The following TRIP4 variants were observed in gnomAD, a reference collection of about 807,000 sequenced individuals.
The protein encoded by TRIP4 is activating signal cointegrator 1.
Under a neutral mutation model 81.8 loss-of-function variants are expected in TRIP4, and 54 were observed. The observed-to-expected ratio is 0.66, with a 90% CI of 0.53 to 0.83. The LOEUF (loss-of-function observed/expected upper bound fraction) is 0.83, where lower values mean the gene tolerates loss of function less well. TRIP4 is among the 40% of genes least tolerant of loss of function. TRIP4 has a pLI of 0.00. For missense variants in TRIP4, 662 were observed against 683.6 expected, an observed-to-expected ratio of 0.97 and a Z score of 0.35; for synonymous variants, 270 against 242.8, an observed-to-expected ratio of 1.11 and a Z score of -1.04.
At chr15:64,417,028 G>A (rs920332001) in intron 8 of TRIP4, among the ~76,000 whole-genome samples, 1 of 151,964 alleles carries the variant, frequency 6.6e-6, no homozygotes, top group African/African-American at 2.4e-5. Flanking sequence ...TTATTTTTGA[G>A]ACAGGATATT....
chr15:64,388,104 T>G, intron 1 of TRIP4, 140 bp downstream of exon 1: 1 of 1,317,900 alleles, frequency 7.6e-7, no homozygotes, highest in Non-Finnish European at 9.7e-7. Context: ...GGCGTCGAAT[T>G]TTGGCCTCCA....
At chr15:64,393,397 TC>T (rs1454502437) in intron 1 of TRIP4, 1 of 151,698 alleles carries the variant, frequency 6.6e-6, no homozygotes, top group Non-Finnish European at 1.5e-5. Context: ...GACCTGGTGA[TC>T]CGCCCGCCTC....
At chr15:64,405,232 G>A (rs1891598365) in intron 5 of TRIP4, among the ~76,000 whole-genome samples, 2 of 149,884 alleles carry the variant, frequency 1.3e-5, no homozygotes, top group African/African-American at 4.9e-5. Context: ...TCGGCTCACT[G>A]TAAGCTCAGC....
At chr15:64,411,087 G>T (rs1566976372) in intron 7 of TRIP4, among the ~76,000 whole-genome samples, 1 of 152,220 alleles carries the variant, frequency 6.6e-6, no homozygotes, top group East Asian at 1.9e-4. Flanking sequence ...GTGAATGGGA[G>T]TATTAAAATG....
intron 11 of TRIP4, among the ~76,000 whole-genome samples, chr15:64,426,897 G>A (rs1217509570): frequency 6.6e-6 from 1 of 151,490 alleles, no homozygotes; most frequent in African/African-American, 2.4e-5. Flanking sequence ...CTATTCGGGA[G>A]GCTGAGGCAG....
In TRIP4 at chr15:64,453,027, A is replaced by C. The variant is rs534633718; in HGVS notation, c.1679-1970A>C. Among the ~76,000 whole-genome samples the C allele has an allele frequency of 9.9e-5, 15 of 152,232 alleles. No individual in the cohort carries two copies. The South Asian group carries it at 2.9e-3, about 29-fold the overall frequency. ...TGGTGAAACCCTATCTCTACCAAAA[A>C]ATAAAAAAATTAGCTGGGCGTGATG... On this transcript the variant is annotated intron_variant, in intron 12 of 12. Transcript: ENST00000261884.
chr15:64,396,137 G>A (rs1900286362), intron 3 of TRIP4, among the ~76,000 whole-genome samples: 1 of 151,988 alleles, frequency 6.6e-6, no homozygotes, highest in African/African-American at 2.4e-5. Context: ...TTGAGCTGCT[G>A]AGCTCAGGCA....
chr15:64,410,025 T>G (rs796517290), intron 7 of TRIP4, among the ~76,000 whole-genome samples, 197 bp downstream of exon 7: 1 of 130,492 alleles, frequency 7.7e-6, no homozygotes, highest in East Asian at 2.1e-4. Flanking sequence ...TGTGGTTTGG[T>G]TTTTTTTTTT....
At chr15:64,439,512 C>CTTTTTTT (rs71895300) in intron 11 of TRIP4, among the ~76,000 whole-genome samples, 5 of 47,928 alleles carry the variant, frequency 1.0e-4, no homozygotes, top group African/African-American at 5.0e-4. Flanking sequence ...ACTTATAAAT[C>CTTTTTTT]TTTTTTTTTT....
At chr15:64,398,879 G>A (rs1191335512) in intron 4 of TRIP4, among the ~76,000 whole-genome samples, 1 of 147,296 alleles carries the variant, frequency 6.8e-6, no homozygotes, top group African/African-American at 2.6e-5. Flanking sequence ...AAAGGCATCC[G>A]TTTTATATTA....
rs1328402314 is a variant in TRIP4, at chr15:64,388,160, T to C, written c.101+196T>C. 9 of 1,015,362 alleles carry C rather than the reference T, an allele frequency of 8.9e-6. No individual in the cohort carries two copies. The African/African-American group carries it at 1.3e-4, about 15-fold the overall frequency. The allele number at this position is 1,015,362 out of a possible 1,614,324, so 62.9% of individuals were successfully genotyped here. On this transcript the variant is annotated intron_variant, in intron 1 of 12. Coordinates refer to ENST00000261884, the MANE Select transcript of TRIP4 (RefSeq NM_016213.5). ...GAATAGGGTGTCCGGCTCCACAGTCTGCCGGTCGGGCTTTTTTCCTGGGAA... is the reference window on the plus strand; with the variant it reads ...GAATAGGGTGTCCGGCTCCACAGTCCGCCGGTCGGGCTTTTTTCCTGGGAA...
chr15:64,449,288 TTG>T (rs1000621528), intron 12 of TRIP4, among the ~76,000 whole-genome samples: 6 of 151,210 alleles, frequency 4.0e-5, no homozygotes, highest in African/African-American at 1.5e-4. Flanking sequence ...TTGTTTGTTT[TTG>T]TTTTTTTTTT....
At chr15:64,392,832 C>T (rs145866246) in intron 1 of TRIP4, among the ~76,000 whole-genome samples, 47 of 151,904 alleles carry the variant, frequency 3.1e-4, no homozygotes, top group African/African-American at 1.0e-3. Context: ...CCAGGCTGGT[C>T]TCAAACTCCT....
At chr15:64,408,746 G>A (rs1035540274) in intron 6 of TRIP4, among the ~76,000 whole-genome samples, 5 of 152,112 alleles carry the variant, frequency 3.3e-5, no homozygotes, top group Non-Finnish European at 2.9e-5. Context: ...ATAATATGTA[G>A]AATTAGAGAG....
chr15:64,405,396 C>T (rs1215946395), intron 5 of TRIP4, among the ~76,000 whole-genome samples: 3 of 151,954 alleles, frequency 2.0e-5, no homozygotes, highest in South Asian at 2.1e-4. Flanking sequence ...CCTCATGATC[C>T]GCCCGCCTCA....
At chr15:64,427,814 G>A (rs764717940) in intron 11 of TRIP4, among the ~76,000 whole-genome samples, 13 of 152,084 alleles carry the variant, frequency 8.5e-5, no homozygotes, top group South Asian at 2.1e-4. Context: ...GAGTTCTAGC[G>A]TTTTGTTCTT....
intron 9 of TRIP4, among the ~76,000 whole-genome samples, chr15:64,419,507 C>T (rs902506083): frequency 1.3e-5 from 2 of 151,732 alleles, no homozygotes; most frequent in East Asian, 1.9e-4. Flanking sequence ...TACAGGCGCC[C>T]GCCACCACAC....
At position 64,387,933 on chromosome 15, in the gene TRIP4, T is replaced by G; in HGVS notation, c.70T>G (p.Phe24Val). Residue 24 changes from phenylalanine to valine, a missense_variant, in exon 1 of 13, where the codon TTC (phenylalanine) becomes GTC (valine). Phe to Val is a conservative substitution (Grantham distance 50). Coordinates refer to ENST00000261884, the MANE Select transcript of TRIP4 (RefSeq NM_016213.5). ...GTGCACCCAGCAGTTGCGGAAGACT[T>G]TCGGCCTGGATGTCAGCGAGGAGAT... Reference protein sequence around the residue: ...HWCTQQLRKTFGLDVSEEIIQ... With the variant: ...HWCTQQLRKTVGLDVSEEIIQ... 1.9e-6 allele frequency: 3 copies of G among 1,551,188 alleles called. 1 individual carries two copies. The highest frequency in any genetic ancestry group is 2.6e-6 in the Non-Finnish European group (3 of 1,147,080).
chr15:64,444,879 C>T, intron 11 of TRIP4, 127 bp from the exon 12 acceptor site: 1 of 578,344 alleles, frequency 1.7e-6, no homozygotes, highest in Non-Finnish European at 3.1e-6. Flanking sequence ...GAGCATAATC[C>T]TCTTTACCTG....
Sources: gnomAD v4.1 joint callset for allele counts (sites outside exome capture counted in the v4.1 genomes callset) on GRCh38, gnomAD v4.1.1 for gene constraint, MANE v1.5 for transcripts, NCBI Gene and HGNC (gene_info 2026-07-23, HGNC 2026-07-21) for gene names.